The following PTCHD4 variants were observed in gnomAD, a reference collection of about 807,000 sequenced individuals.
PTCHD4 encodes patched domain-containing protein 4.
A neutral mutation model predicts 58.1 loss-of-function variants in PTCHD4; 33 were observed. That is an observed-to-expected ratio of 0.57 (90% CI 0.43 to 0.76). The LOEUF is 0.76. Among genes scored for constraint, PTCHD4 ranks in the 30% least tolerant of loss-of-function variants. PTCHD4 has a pLI of 0.00. For missense variants in PTCHD4, 1,058 were observed against 1,027.1 expected (o/e 1.03, Z -0.41); for synonymous variants, 478 against 409.6 (o/e 1.17, Z -2.02).
intron 3 of PTCHD4, among the ~76,000 whole-genome samples, chr6:48,023,425 C>T (rs1051624419): frequency 5.9e-5 from 9 of 152,098 alleles, no homozygotes; most frequent in African/African-American, 1.7e-4. Context: ...TGAAAGCAGT[C>T]ATCACTTGTG....
At chr6:48,030,517 G>A (rs1053771916) in intron 3 of PTCHD4, among the ~76,000 whole-genome samples, 4 of 152,046 alleles carry the variant, frequency 2.6e-5, no homozygotes, top group African/African-American at 9.7e-5. Context: ...GATTTTGCAA[G>A]CTGAAGCTGG....
intron 3 of PTCHD4, among the ~76,000 whole-genome samples, chr6:48,025,565 A>T (rs1295775512): frequency 6.6e-6 from 1 of 152,212 alleles, no homozygotes; most frequent in Non-Finnish European, 1.5e-5. Flanking sequence ...GAGAGATTAT[A>T]TAAAGAAAAC....
intron 4 of PTCHD4, among the ~76,000 whole-genome samples, chr6:47,889,445 A>G (rs1764307484): frequency 6.6e-6 from 1 of 151,268 alleles, no homozygotes; most frequent in Non-Finnish European, 1.5e-5. Context: ...TTTTGGCTGC[A>G]TAAATGTCTT....
intron 4 of PTCHD4, among the ~76,000 whole-genome samples, chr6:47,898,570 G>T (rs553488263): frequency 1.3e-5 from 2 of 152,280 alleles, no homozygotes; most frequent in Non-Finnish European, 2.9e-5. Context: ...ATGTTTACAT[G>T]ATACCACTCA....
intron 3 of PTCHD4, among the ~76,000 whole-genome samples, chr6:48,060,549 C>T (rs564155042): frequency 9.2e-5 from 14 of 152,340 alleles, no homozygotes; most frequent in Non-Finnish European, 2.1e-4. Context: ...TCTTGGCTCA[C>T]TGCAACCTCA....
chr6:47,994,593 C>G (rs993544838), intron 4 of PTCHD4, among the ~76,000 whole-genome samples: 4 of 152,140 alleles, frequency 2.6e-5, no homozygotes, highest in Non-Finnish European at 5.9e-5. Flanking sequence ...TCTGGTAGAT[C>G]ACAAGTAAGA....
chr6:47,996,833 TA>T (rs1768507136), intron 4 of PTCHD4, among the ~76,000 whole-genome samples: 1 of 152,214 alleles, frequency 6.6e-6, no homozygotes, highest in African/African-American at 2.4e-5. Context: ...TGGCTTTGTT[TA>T]AAAGCCATTG....
At chr6:48,042,853 A>G (rs1763892354) in intron 3 of PTCHD4, among the ~76,000 whole-genome samples, 1 of 151,902 alleles carries the variant, frequency 6.6e-6, no homozygotes, top group Non-Finnish European at 1.5e-5. Context: ...ACTGCCAACA[A>G]AATCCAGCAC....
intron 4 of PTCHD4, among the ~76,000 whole-genome samples, chr6:47,930,663 A>T (rs977528835): frequency 6.6e-6 from 1 of 152,238 alleles, no homozygotes; most frequent in African/African-American, 2.4e-5. Flanking sequence ...GTTCTGGACC[A>T]GTTTGGAATT....
chr6:48,028,914 C>G (rs1466657757), intron 3 of PTCHD4, among the ~76,000 whole-genome samples: 1 of 151,962 alleles, frequency 6.6e-6, no homozygotes, highest in Non-Finnish European at 1.5e-5. Context: ...TGCTCTTTCA[C>G]TCTGTAAAAT....
chr6:47,941,062 T>C (rs1411678937), intron 4 of PTCHD4, among the ~76,000 whole-genome samples: 1 of 152,232 alleles, frequency 6.6e-6, no homozygotes, highest in Non-Finnish European at 1.5e-5. Context: ...GCTTCCAGCA[T>C]GCCTGACTGT....
At chr6:48,021,041 C>T (rs537077427) in intron 3 of PTCHD4, among the ~76,000 whole-genome samples, 1 of 152,112 alleles carries the variant, frequency 6.6e-6, no homozygotes, top group African/African-American at 2.4e-5. Context: ...TCTAACTAAA[C>T]TTGAGTTGTT....
chr6:47,949,683 C>T (rs1264296430), intron 4 of PTCHD4, among the ~76,000 whole-genome samples: 2 of 152,038 alleles, frequency 1.3e-5, no homozygotes, highest in Non-Finnish European at 2.9e-5. Flanking sequence ...TTTCCAACTC[C>T]TCCTTTCTTT....
Position 47,874,591 on chromosome 6 carries a change from C to A in PTCHD4, c.*3712G>T, listed in dbSNP as rs966076331. On this transcript the variant is annotated 3_prime_UTR_variant, in exon 5 of 5. Transcript: ENST00000339488. ...ATGTGATAGATAATTACAAAATGGACAAAGCTTTTACTGTCTTGAATTTAA... is the reference window on the plus strand; with the variant it reads ...ATGTGATAGATAATTACAAAATGGAAAAAGCTTTTACTGTCTTGAATTTAA... Among the ~76,000 whole-genome samples, 1 of 151,656 alleles carries A rather than the reference C, an allele frequency of 6.6e-6. No individual in the cohort carries two copies. Among genetic ancestry groups the A allele is most frequent in the African/African-American group, 2.4e-5 (1 of 41,350 alleles).
chr6:47,896,239 G>A (rs970002596), intron 4 of PTCHD4, among the ~76,000 whole-genome samples: 2 of 152,186 alleles, frequency 1.3e-5, no homozygotes, highest in African/African-American at 4.8e-5. Flanking sequence ...TGATTGAGAT[G>A]ATTTCTGTGA....
At chr6:47,899,661 A>G in intron 4 of PTCHD4, 1 of 636,846 alleles carries the variant, frequency 1.6e-6, no homozygotes, top group Non-Finnish European at 2.0e-6. Flanking sequence ...TCATTGATTA[A>G]AAGTGTACAA....
rs1765287791 is a variant in PTCHD4, at chr6:48,087,596, T to TAGG, written c.-969-17673_-969-17671dup. On this transcript the variant is annotated intron_variant, in intron 1 of 4. Coordinates refer to ENST00000339488, the MANE Select transcript of PTCHD4 (RefSeq NM_001384253.1). ...GGCAGTAATCATTGTTACAGGGTTC[T>TAGG]AGGTAAACTAATTGAAGCTCTAAGA... Among the ~76,000 whole-genome samples the TAGG allele has an allele frequency of 2.6e-5, 4 of 152,338 alleles. No individual in the cohort carries two copies. The South Asian group carries it at 8.3e-4, about 32-fold the overall frequency.
intron 1 of PTCHD4, among the ~76,000 whole-genome samples, chr6:48,105,220 C>T (rs1203918488): frequency 6.6e-6 from 1 of 151,784 alleles, no homozygotes; most frequent in African/African-American, 2.4e-5. Context: ...CTCCTCAGCA[C>T]ATGTAAAAGA....
intron 4 of PTCHD4, among the ~76,000 whole-genome samples, chr6:47,891,736 C>T (rs545103704): frequency 1.3e-5 from 2 of 152,194 alleles, no homozygotes; most frequent in South Asian, 4.1e-4. Flanking sequence ...TCCTAAAATA[C>T]TCCATGGTCC....
Sources: allele counts gnomAD v4.1 joint callset (sites outside exome capture counted in the v4.1 genomes callset), GRCh38; gene constraint gnomAD v4.1.1; transcripts MANE v1.5; gene names NCBI Gene and HGNC (gene_info 2026-07-23, HGNC 2026-07-21).